The following OLFML2A variants were observed in gnomAD, a reference collection of about 807,000 sequenced individuals.
The protein encoded by OLFML2A is olfactomedin like 2A, also known as olfactomedin-like protein 2A.
Under a neutral mutation model 60.9 loss-of-function variants are expected in OLFML2A, and 47 were observed. The ratio of observed to expected loss-of-function variants is 0.77; its 90% confidence interval spans 0.61 to 0.98. OLFML2A has a LOEUF of 0.98. Ranked by LOEUF, OLFML2A falls within the 50% of genes least tolerant of loss-of-function variation. OLFML2A has a pLI of 0.00. For missense variants in OLFML2A, 922 were observed against 879.8 expected (o/e 1.05, Z -0.61); for synonymous variants, 372 against 375.0 (o/e 0.99, Z 0.09).
chr9:124,788,610 A>AAAAAGAAAAG (rs564465140), intron 2 of OLFML2A, among the ~76,000 whole-genome samples: 6 of 152,134 alleles, frequency 3.9e-5, no homozygotes, highest in Non-Finnish European at 8.8e-5. Context: ...CCATCTCAAA[A>AAAAAGAAAAG]AAAAGAAAAG....
In OLFML2A at chr9:124,804,461, C is replaced by T; in HGVS notation, c.1168+119C>T. 21 of 967,484 alleles carry T rather than the reference C, an allele frequency of 2.2e-5. No individual in the cohort carries two copies. In the South Asian group the frequency reaches 3.3e-4, roughly 15 times the overall value. The allele number at this position is 967,484 out of a possible 1,614,324, so 59.9% of individuals were successfully genotyped here. A position where few individuals can be genotyped will look rare whatever the true frequency, so the allele number is the denominator to read the frequency against. On this transcript the variant is annotated intron_variant, in intron 6 of 7. Transcript: ENST00000373580. ...TTTTATAGCTGAGCATGGTAGCTCA[C>T]ACCTGTAACACCAGCACTTTGGGAG...
chr9:124,802,273 A>G (rs994344321), intron 5 of OLFML2A, among the ~76,000 whole-genome samples: 1 of 152,216 alleles, frequency 6.6e-6, no homozygotes, highest in African/African-American at 2.4e-5. Context: ...AGCCATCTCT[A>G]CGGGTTGTGG....
rs1842057162 is a variant in OLFML2A at position 124,813,345 on chromosome 9, G to A, written c.*2933G>A. 6.6e-6 allele frequency: 1 copy of A among 152,260 alleles called. No individual in the cohort carries two copies. The highest frequency in any genetic ancestry group is 2.1e-4 in the South Asian group (1 of 4,836). The allele number at this position is 152,260 out of a possible 1,614,324, so 9.4% of individuals were successfully genotyped here. On this transcript the variant is annotated 3_prime_UTR_variant, in exon 8 of 8. Coordinates refer to ENST00000373580, the MANE Select transcript of OLFML2A (RefSeq NM_182487.4). ...GTGGAGAACCAGGTTTCAAAATCAG[G>A]TAAGAAAACCATCATCATTAACTGA...
chr9:124,803,763 TG>T (rs1180589567), intron 5 of OLFML2A, among the ~76,000 whole-genome samples: 13 of 152,370 alleles, frequency 8.5e-5, no homozygotes, highest in Non-Finnish European at 1.8e-4. Flanking sequence ...TCGTATTTGC[TG>T]GGATCTGTGC....
In OLFML2A at chr9:124,810,251, T is replaced by C; in HGVS notation, c.1798T>C (p.Tyr600His). 1 of 1,612,720 alleles carries C rather than the reference T, an allele frequency of 6.2e-7. No individual in the cohort carries two copies. The highest frequency in any genetic ancestry group is 1.1e-5 in the South Asian group (1 of 91,082). The change falls in exon 8 of 8, where the codon TAC (tyrosine) becomes CAC (histidine). Residue 600 changes from tyrosine (Y) to histidine (H), a missense_variant. Tyr to His is a moderately conservative substitution (Grantham distance 83, BLOSUM62 2). Coordinates refer to ENST00000373580, the MANE Select transcript of OLFML2A (RefSeq NM_182487.4). ...TYNQQEGQVA[Y>H]AFDTHTGTDA... ...CAACCAGCAGGAAGGCCAGGTCGCC[T>C]ACGCTTTCGACACGCACACGGGCAC...
chr9:124,797,498 T>C (rs1841688672), intron 3 of OLFML2A, among the ~76,000 whole-genome samples: 1 of 152,226 alleles, frequency 6.6e-6, no homozygotes, highest in Admixed American at 6.5e-5. Flanking sequence ...CTGCTGCCTC[T>C]TGGTCCCTGA....
At chr9:124,802,537 A>C (rs1841797903) in intron 5 of OLFML2A, among the ~76,000 whole-genome samples, 2 of 152,234 alleles carry the variant, frequency 1.3e-5, no homozygotes. Context: ...TGCTGGCCCA[A>C]GCCCTGCCAG....
chr9:124,801,565 C>T lies in OLFML2A; in HGVS notation c.821C>T (p.Pro274Leu), dbSNP rs778205705. ...KESGKGSFLQ[P>L]TAKPRALAQQ... ...AGCGGCAAGGGCAGTTTCCTCCAGC[C>T]CACAGCCAAGCCCCGCGCCCTGGCC... Residue 274 changes from proline to leucine, a missense_variant, in exon 5 of 8, where the codon CCC becomes CTC. By Grantham distance (98) the Pro-to-Leu change is moderately conservative. Coordinates refer to ENST00000373580, the MANE Select transcript of OLFML2A (RefSeq NM_182487.4). 3 of 1,614,078 alleles carry T rather than the reference C, an allele frequency of 1.9e-6. No individual in the cohort carries two copies. Among genetic ancestry groups the T allele is most frequent in the East Asian group, 4.5e-5 (2 of 44,874 alleles).
intron 6 of OLFML2A, among the ~76,000 whole-genome samples, chr9:124,807,374 C>A (rs997950235): frequency 6.8e-6 from 1 of 147,444 alleles, no homozygotes; most frequent in African/African-American, 2.5e-5. Context: ...ACCTCCGCCT[C>A]CTGGGTTCAA....
intron 1 of OLFML2A, among the ~76,000 whole-genome samples, chr9:124,781,063 G>A (rs1379935695): frequency 6.6e-6 from 1 of 152,204 alleles, no homozygotes; most frequent in Non-Finnish European, 1.5e-5. Flanking sequence ...CTCATGGAGG[G>A]AGTAGGGATC....
rs1400159368 is a variant in OLFML2A, at chr9:124,813,390, T to C, written c.*2978T>C. ...AACTGAGCACCAGCTGTGCTAAGCCTGCCACGGGCGTATCCTTGCAGCCTC... is the reference window on the plus strand; with the variant it reads ...AACTGAGCACCAGCTGTGCTAAGCCCGCCACGGGCGTATCCTTGCAGCCTC... On this transcript the variant is annotated 3_prime_UTR_variant, in exon 8 of 8. Coordinates refer to ENST00000373580, the MANE Select transcript of OLFML2A (RefSeq NM_182487.4). The C allele has an allele frequency of 6.6e-6, 1 of 152,290 alleles. No homozygotes were observed. The highest frequency in any genetic ancestry group is 1.5e-5 in the Non-Finnish European group (1 of 68,062). 9.4% of individuals were successfully genotyped at this position (152,290 alleles called of 1,614,324 possible).
At position 124,808,309 on chromosome 9, in the gene OLFML2A, G is replaced by GT. The variant is rs1434136829; in HGVS notation, c.1354+344dup. Among the ~76,000 whole-genome samples the GT allele has an allele frequency of 8.5e-5, 13 of 152,298 alleles. 1 individual carries two copies. The East Asian group carries it at 2.5e-3, about 29-fold the overall frequency. The stretch of plus-strand genomic sequence containing the variant: ...TTACCCTGTGCTGATCTCGCCCCCC[G>GT]TGTATCAGCTCTTGGTAGCTACATA... On this transcript the variant is annotated intron_variant, in intron 7 of 7. Transcript: ENST00000373580.
At chr9:124,787,501 A>G (rs1275626561) in intron 2 of OLFML2A, among the ~76,000 whole-genome samples, 1 of 135,362 alleles carries the variant, frequency 7.4e-6, no homozygotes, top group Non-Finnish European at 1.6e-5. Flanking sequence ...GCTATACTTT[A>G]CATTTTGTGG....
chr9:124,799,714 T>C (rs564598582), intron 4 of OLFML2A, among the ~76,000 whole-genome samples: 1 of 152,322 alleles, frequency 6.6e-6, no homozygotes, highest in South Asian at 2.1e-4. Context: ...CTGGGGATCC[T>C]GCCAAGGGGG....
At chr9:124,809,762 T>C (rs1564289809) in intron 7 of OLFML2A, 46 bp from the exon 8 acceptor site, 2 of 1,551,982 alleles carry the variant, frequency 1.3e-6, no homozygotes, top group East Asian at 2.3e-5. Context: ...GTGGGTGGGC[T>C]GGGGTTGCTC....
At chr9:124,791,737 CAAAAAAAA>C (rs10553820) in intron 2 of OLFML2A, among the ~76,000 whole-genome samples, 2 of 74,908 alleles carry the variant, frequency 2.7e-5, no homozygotes, top group Non-Finnish European at 5.1e-5. Flanking sequence ...GACTCTGTCT[CAAAAAAAA>C]AAAAAAAAAA....
At chr9:124,790,258 G>A (rs1198627036) in intron 2 of OLFML2A, among the ~76,000 whole-genome samples, 4 of 151,802 alleles carry the variant, frequency 2.6e-5, no homozygotes, top group Admixed American at 6.6e-5. Flanking sequence ...ACCTCCACCC[G>A]GCTCCCCCTT....
chr9:124,777,198 C>G lies in OLFML2A; in HGVS notation c.-73C>G, dbSNP rs1006005276. The G allele has an allele frequency of 6.5e-5, 34 of 520,218 alleles. No homozygotes were observed. Among genetic ancestry groups the G allele is most frequent in the African/African-American group, 6.4e-4 (32 of 49,842 alleles). 32.2% of individuals were successfully genotyped at this position (520,218 alleles called of 1,614,324 possible). A position where few individuals can be genotyped will look rare whatever the true frequency, so the allele number is the denominator to read the frequency against. ...GGGGCAGGCAGAGCGGGCGAAGGCG[C>G]GGAGCTCGCAGTGCAGCCCGCGCTT... On this transcript the variant is annotated 5_prime_UTR_variant, in exon 1 of 8. Coordinates refer to ENST00000373580, the MANE Select transcript of OLFML2A (RefSeq NM_182487.4). This position sits in a 1 kb window ranked among gnomAD's most constrained non-coding sequence, Gnocchi z 6.2.
chr9:124,786,749 GACACACACACACACACACACACAC>G lies in OLFML2A; in HGVS notation c.91-200_91-177del, dbSNP rs3138850. Among the ~76,000 whole-genome samples, 12 of 129,814 alleles carry G rather than the reference GACACACACACACACACACACACAC, an allele frequency of 9.2e-5. No homozygotes were observed. The South Asian group carries it at 1.1e-3, about 12-fold the overall frequency. 85.2% of individuals were successfully genotyped at this position (129,814 alleles called of 152,430 possible). On this transcript the variant is annotated intron_variant, in intron 1 of 7. Coordinates refer to ENST00000373580, the MANE Select transcript of OLFML2A (RefSeq NM_182487.4). ...AAAAAAAAATACACGCAGAGACGTAGACACACACACACACACACACACACACACACACACACACACACACACACA... is the reference window on the plus strand; with the variant it reads ...AAAAAAAAATACACGCAGAGACGTAGACACACACACACACACACACACACA...
Sources: allele counts gnomAD v4.1 joint callset (sites outside exome capture counted in the v4.1 genomes callset), GRCh38; gene constraint gnomAD v4.1.1; non-coding constraint Gnocchi (gnomAD v3.1); transcripts MANE v1.5; gene names NCBI Gene and HGNC (gene_info 2026-07-23, HGNC 2026-07-21).